Variants in CHRFAM7A observed in about 807,000 individuals in gnomAD.
CHRFAM7A encodes CHRNA7-FAM7A fusion protein.
In CHRFAM7A, 3 loss-of-function variants were observed where a neutral mutation model predicts 29.2. That is an observed-to-expected ratio of 0.10 (90% CI 0.05 to 0.27). The LOEUF is 0.27. Among genes scored for constraint, CHRFAM7A ranks in the 10% least tolerant of loss-of-function variants. The pLI, the probability that CHRFAM7A is intolerant of heterozygous loss-of-function variation, is 1.00. For missense variants in CHRFAM7A, 22 were observed against 328.0 expected (o/e 0.07, Z 7.21); for synonymous variants, 7 against 135.4 (o/e 0.05, Z 6.58).
Position 30,373,569 on chromosome 15 carries a change from G to A in CHRFAM7A, c.161-424C>T, listed in dbSNP as rs527805238. 3.9e-4 allele frequency among the ~76,000 whole-genome samples: 50 copies of A among 129,864 alleles called. 1 individual carries two copies. In the East Asian group the frequency reaches 9.7e-3, roughly 25 times the overall value. 85.2% of individuals were successfully genotyped at this position (129,864 alleles called of 152,430 possible). A position where few individuals can be genotyped will look rare whatever the true frequency, so the allele number is the denominator to read the frequency against. ...GTCTGTTTGGTGCGGGGTGAGGTAG[G>A]CATTTTCTTTAGGTTAAAAATGGGA... On this transcript the variant is annotated intron_variant, in intron 5 of 9. Transcript: ENST00000299847.
chr15:30,373,554 T>A (rs1441377198), intron 5 of CHRFAM7A, among the ~76,000 whole-genome samples: 1 of 132,386 alleles, frequency 7.6e-6, no homozygotes, highest in Non-Finnish European at 1.7e-5. Flanking sequence ...GTCTGTTTGG[T>A]GCGGGGTGAG....
intron 8 of CHRFAM7A, among the ~76,000 whole-genome samples, chr15:30,368,236 G>C (rs1314178660): frequency 6.8e-6 from 1 of 146,154 alleles, no homozygotes; most frequent in Non-Finnish European, 1.5e-5. Flanking sequence ...GTGGGGCTTT[G>C]GGAGGTATGA....
chr15:30,393,881 GTGTCTA>G (rs1162593057), upstream of CHRFAM7A: 3,205 of 48,084 alleles, frequency 0.067, 180 homozygotes, highest in African/African-American at 0.13. Flanking sequence ...GTGTGTGTGT[GTGTCTA>G]TGTGTGTGTG....
chr15:30,377,775 A>G (rs546127219), intron 4 of CHRFAM7A, among the ~76,000 whole-genome samples: 1 of 145,458 alleles, frequency 6.9e-6, no homozygotes, highest in Admixed American at 7.0e-5. Flanking sequence ...CGGGGGTTTC[A>G]CTATGTTAGC....
intron 9 of CHRFAM7A, 46 bp downstream of exon 9, chr15:30,367,372 C>G (rs1215292642): frequency 6.3e-7 from 1 of 1,589,954 alleles, no homozygotes; most frequent in Non-Finnish European, 8.6e-7. Flanking sequence ...GGAGGAGCCT[C>G]CTTTACAGCG....
intron 5 of CHRFAM7A, among the ~76,000 whole-genome samples, chr15:30,376,488 T>C (rs937213416): frequency 7.0e-5 from 2 of 28,442 alleles, no homozygotes; most frequent in Middle Eastern, 6.3e-3. Context: ...GCACTTAGCC[T>C]TGGAGGTGAG....
chr15:30,371,492 A>G (rs1211162965), intron 7 of CHRFAM7A, among the ~76,000 whole-genome samples: 4 of 148,954 alleles, frequency 2.7e-5, no homozygotes, highest in African/African-American at 1.0e-4. Flanking sequence ...AATATTATTG[A>G]GAAGTAGTTT....
rs1483062866 is a variant in CHRFAM7A at position 30,371,094 on chromosome 15, T to A, written c.610+4A>T. ...CTAAGAGAGGAGCCCAACTCTTGCC[T>A]TACCTATCAATGGTACCGAATCGGA... On this transcript the variant is annotated splice_donor_region_variant and intron_variant, in intron 8 of 9. Transcript: ENST00000299847. 7.8e-7 allele frequency: 1 copy of A among 1,274,196 alleles called. No individual in the cohort carries two copies. The highest frequency in any genetic ancestry group is 1.1e-6 in the Non-Finnish European group (1 of 883,338). The allele number at this position is 1,274,196 out of a possible 1,614,324, so 78.9% of individuals were successfully genotyped here. A position where few individuals can be genotyped will look rare whatever the true frequency, so the allele number is the denominator to read the frequency against.
chr15:30,373,002 G>T lies in CHRFAM7A; in HGVS notation c.304C>A (p.Pro102Thr). The change falls in exon 6 of 10, where the codon CCC (proline) becomes ACC (threonine). Residue 102 changes from proline (P) to threonine (T), a missense_variant. Transcript: ENST00000299847. The part of the protein sequence containing the change: ...MQEADISGYI[P>T]NGEWDLVGIP... Reference sequence around the variant, plus strand: ...CCCACTAGGTCCCATTCTCCATTGGGGATATAGCCACTGATATCTGCCTCC... The same window carrying T: ...CCCACTAGGTCCCATTCTCCATTGGTGATATAGCCACTGATATCTGCCTCC... The T allele has an allele frequency of 6.2e-7, 1 of 1,602,392 alleles. No homozygotes were observed. The highest frequency in any genetic ancestry group is 8.5e-7 in the Non-Finnish European group (1 of 1,172,410).
At chr15:30,376,194 C>CTCTG (rs2058934678) in intron 5 of CHRFAM7A, among the ~76,000 whole-genome samples, 1 of 136,178 alleles carries the variant, frequency 7.3e-6, no homozygotes, top group African/African-American at 2.9e-5. Flanking sequence ...GTGTGAGTGG[C>CTCTG]TGTGAGTGGT....
At chr15:30,376,139 GGTGT>G (rs1365010576) in intron 5 of CHRFAM7A, among the ~76,000 whole-genome samples, 9 of 150,570 alleles carry the variant, frequency 6.0e-5, no homozygotes, top group African/African-American at 1.7e-4. Context: ...GTGTGTGTGA[GGTGT>G]GTGTGAGTGG....
At chr15:30,373,969 A>G (rs1390162228) in intron 5 of CHRFAM7A, among the ~76,000 whole-genome samples, 1 of 139,770 alleles carries the variant, frequency 7.2e-6, no homozygotes, top group African/African-American at 2.7e-5. Flanking sequence ...GTCTGTAAGA[A>G]AAAAAGTTAA....
intron 5 of CHRFAM7A, among the ~76,000 whole-genome samples, chr15:30,376,090 TGA>T (rs2058931753): frequency 2.7e-5 from 1 of 37,562 alleles, no homozygotes. Flanking sequence ...GTGAGTAGTG[TGA>T]GTGGTGTGAG....
rs896527013 is a variant in CHRFAM7A at position 30,377,757 on chromosome 15, A to T, written c.81-648T>A. Among the ~76,000 whole-genome samples, 62 of 144,746 alleles carry T rather than the reference A, an allele frequency of 4.3e-4. 4 individuals are homozygous for T. The highest frequency in any genetic ancestry group is 1.3e-3 in the African/African-American group (49 of 38,156). 95.0% of individuals were successfully genotyped at this position (144,746 alleles called of 152,430 possible). A position where few individuals can be genotyped will look rare whatever the true frequency, so the allele number is the denominator to read the frequency against. On this transcript the variant is annotated intron_variant, in intron 4 of 9. Coordinates refer to ENST00000299847, the MANE Select transcript of CHRFAM7A (RefSeq NM_139320.2). ...ACCTGGTTAATTTTTTTGTATTTTT[A>T]GTAGAGACGGGGGTTTCACTATGTT...
chr15:30,373,965 A>G (rs2058893921), intron 5 of CHRFAM7A, among the ~76,000 whole-genome samples: 1 of 140,170 alleles, frequency 7.1e-6, no homozygotes, highest in Non-Finnish European at 1.6e-5. Context: ...ATCTGTCTGT[A>G]AGAAAAAAAG....
At chr15:30,393,887 ATG>A (rs1261998467), upstream of CHRFAM7A, 21 of 44,000 alleles carry the variant, frequency 4.8e-4, 1 homozygote, top group Admixed American at 1.3e-3. Context: ...GTGTGTGTCT[ATG>A]TGTGTGTGTG....
rs1354327650 is a variant in CHRFAM7A, at chr15:30,383,304, C to A, written c.33+15G>T. On this transcript the variant is annotated intron_variant, in intron 3 of 9. Coordinates refer to ENST00000299847, the MANE Select transcript of CHRFAM7A (RefSeq NM_139320.2). ...CAGACAGTCTACATGTTCGATAACT[C>A]CTTTATGATCCTACCTGAAAATGCT... 1 of 798,536 alleles carries A rather than the reference C, an allele frequency of 1.3e-6. No individual in the cohort carries two copies. The highest frequency in any genetic ancestry group is 1.8e-5 in the African/African-American group (1 of 54,322). 49.5% of individuals were successfully genotyped at this position (798,536 alleles called of 1,614,324 possible). A position where few individuals can be genotyped will look rare whatever the true frequency, so the allele number is the denominator to read the frequency against.
chr15:30,376,199 A>T (rs140169570), intron 5 of CHRFAM7A, among the ~76,000 whole-genome samples: 3 of 17,002 alleles, frequency 1.8e-4, no homozygotes, highest in Admixed American at 6.1e-4. Flanking sequence ...AGTGGCTGTG[A>T]GTGGTTGTGA....
At chr15:30,371,472 T>C (rs1567399273) in intron 7 of CHRFAM7A, among the ~76,000 whole-genome samples, 1 of 148,090 alleles carries the variant, frequency 6.8e-6, no homozygotes, top group Admixed American at 6.8e-5. Context: ...ATCTTTCATA[T>C]TCTCTGTAAA....
Sources: allele counts gnomAD v4.1 joint callset (sites outside exome capture counted in the v4.1 genomes callset), GRCh38; gene constraint gnomAD v4.1.1; transcripts MANE v1.5; gene names NCBI Gene and HGNC (gene_info 2026-07-23, HGNC 2026-07-21).